DOCK8: variants seen among roughly 807,000 people sequenced by gnomAD.
DOCK8 encodes the protein dedicator of cytokinesis protein 8.
In DOCK8, 141 loss-of-function variants were observed where a neutral mutation model predicts 245.6. That is an observed-to-expected ratio of 0.57 (90% CI 0.50 to 0.66). The LOEUF (loss-of-function observed/expected upper bound fraction) is 0.66, where lower values mean the gene tolerates loss of function less well. Among genes scored for constraint, DOCK8 ranks in the 30% least tolerant of loss-of-function variants. The pLI is 0.00. For synonymous variants in DOCK8, 1,168 were observed against 970.2 expected, an observed-to-expected ratio of 1.20 and a Z score of -3.79; for missense variants, 2,965 against 2,603.4, an observed-to-expected ratio of 1.14 and a Z score of -3.02.
chr9:325,797 T>G, intron 8 of DOCK8, 60 bp downstream of exon 8: 1 of 1,418,620 alleles, frequency 7.0e-7, no homozygotes, highest in Non-Finnish European at 9.7e-7. Context: ...ATTCTTTGCA[T>G]GTATGTTTTT....
At chr9:356,406 T>C (rs1004860886) in intron 14 of DOCK8, among the ~76,000 whole-genome samples, 4 of 151,782 alleles carry the variant, frequency 2.6e-5, no homozygotes, top group African/African-American at 9.7e-5. Flanking sequence ...AGCAGGCGCC[T>C]GTAATCCCAG....
chr9:418,941 G>A (rs1029835911), intron 30 of DOCK8, among the ~76,000 whole-genome samples: 33 of 151,472 alleles, frequency 2.2e-4, no homozygotes, highest in African/African-American at 5.6e-4. Context: ...TCTTAAACAA[G>A]ACTGCAGCTT....
intron 9 of DOCK8, 84 bp from the exon 10 acceptor site, chr9:332,314 T>TA: frequency 1.0e-6 from 1 of 953,258 alleles, no homozygotes; most frequent in Non-Finnish European, 1.7e-6. Context: ...AATATTGTCA[T>TA]AAAATGTAAT....
chr9:429,202 A>G (rs1052508307), intron 35 of DOCK8, among the ~76,000 whole-genome samples: 1 of 152,202 alleles, frequency 6.6e-6, no homozygotes, highest in Admixed American at 6.5e-5. Context: ...CCTGACCTCA[A>G]GTGATCCACC....
At chr9:244,345 C>T (rs373849507) in intron 1 of DOCK8, among the ~76,000 whole-genome samples, 1 of 151,822 alleles carries the variant, frequency 6.6e-6, no homozygotes, top group Non-Finnish European at 1.5e-5. Flanking sequence ...TTTCCATTTC[C>T]AATTCATTCA....
At chr9:393,187 T>C (rs1209239702) in intron 24 of DOCK8, among the ~76,000 whole-genome samples, 1 of 150,496 alleles carries the variant, frequency 6.6e-6, no homozygotes, top group Non-Finnish European at 1.5e-5. Context: ...TCATTCCCAA[T>C]GCGGAATTCA....
chr9:333,640 C>A (rs1000175604), intron 10 of DOCK8, among the ~76,000 whole-genome samples: 1 of 151,372 alleles, frequency 6.6e-6, no homozygotes, highest in Non-Finnish European at 1.5e-5. Flanking sequence ...TAAGACTTAC[C>A]TTATTAGTAT....
chr9:303,108 T>C (rs542532184), intron 4 of DOCK8, among the ~76,000 whole-genome samples: 69 of 151,738 alleles, frequency 4.5e-4, no homozygotes, highest in Middle Eastern at 3.4e-3. Context: ...TGCAGTGAGC[T>C]ATAATCACAC....
At chr9:244,369 T>C (rs2047453742) in intron 1 of DOCK8, among the ~76,000 whole-genome samples, 1 of 152,040 alleles carries the variant, frequency 6.6e-6, no homozygotes, top group African/African-American at 2.4e-5. Flanking sequence ...TTTTCTATTC[T>C]GTTCTATTGC....
chr9:420,547 T>C lies in DOCK8; in HGVS notation c.3987T>C (p.Asp1329=), dbSNP rs143204635. The C allele has an allele frequency of 1.5e-5, 25 of 1,614,088 alleles. No individual in the cohort carries two copies. In the African/African-American group the frequency reaches 3.2e-4, roughly 21 times the overall value. Residue 1329 remains aspartate (D), a synonymous_variant, in exon 31 of 48, where the codon GAT becomes GAC. Transcript: ENST00000432829. ...LPSTQLNRIL[D]LLFICVLCFE... ...CAACGCAGCTCAACAGGATTTTAGA[T>C]CTACTTTTCATCTGTGTGTTATGTT...
At chr9:245,118 C>T (rs2047476675) in intron 1 of DOCK8, among the ~76,000 whole-genome samples, 1 of 152,186 alleles carries the variant, frequency 6.6e-6, no homozygotes, top group Non-Finnish European at 1.5e-5. Context: ...CTCACACTCA[C>T]TCCACAAGCC....
chr9:227,527 T>C (rs2047015491), intron 1 of DOCK8, among the ~76,000 whole-genome samples: 1 of 152,182 alleles, frequency 6.6e-6, no homozygotes, highest in Non-Finnish European at 1.5e-5. Context: ...GGAGTAAAGA[T>C]GATTAAAGCA....
chr9:336,778 C>G (rs1297158354), intron 12 of DOCK8, 60 bp downstream of exon 12: 1 of 1,602,488 alleles, frequency 6.2e-7, no homozygotes, highest in African/African-American at 1.3e-5. Flanking sequence ...GGCACTGGAA[C>G]CCACAGGAGG....
intron 14 of DOCK8, among the ~76,000 whole-genome samples, chr9:358,562 C>T (rs907608261): frequency 2.0e-5 from 3 of 152,108 alleles, no homozygotes; most frequent in South Asian, 4.1e-4. Flanking sequence ...TAAAAATTAC[C>T]TGCAGGCCAG....
chr9:225,613 C>G (rs1457387122), intron 1 of DOCK8, among the ~76,000 whole-genome samples: 1 of 152,136 alleles, frequency 6.6e-6, no homozygotes, highest in Non-Finnish European at 1.5e-5. Context: ...GTGCCTAGCA[C>G]TATTCTAAGT....
At chr9:275,249 A>C (rs1292028439) in intron 2 of DOCK8, among the ~76,000 whole-genome samples, 1 of 152,240 alleles carries the variant, frequency 6.6e-6, no homozygotes, top group Non-Finnish European at 1.5e-5. Flanking sequence ...GTGGGAGATT[A>C]AAAGAAGATG....
At position 215,207 on chromosome 9, in the gene DOCK8, C is replaced by A. The variant is rs370760003; in HGVS notation, c.53+178C>A. On this transcript the variant is annotated intron_variant, in intron 1 of 47. Transcript: ENST00000432829. The stretch of plus-strand genomic sequence containing the variant: ...GGCGGTGGAGCCGCTGGACGCGCGG[C>A]GGCTCCTGCGCTGGGCCCGGCGAGG... 1.3e-5 allele frequency: 20 copies of A among 1,525,182 alleles called. No homozygotes were observed. In the Middle Eastern group the frequency reaches 5.2e-4, roughly 40 times the overall value. The allele number at this position is 1,525,182 out of a possible 1,614,324, so 94.5% of individuals were successfully genotyped here.
At chr9:261,254 T>C (rs1485706572) in intron 1 of DOCK8, among the ~76,000 whole-genome samples, 1 of 152,224 alleles carries the variant, frequency 6.6e-6, no homozygotes, top group Non-Finnish European at 1.5e-5. Context: ...GAATAGCTTA[T>C]ATAACTATGT....
At chr9:349,375 T>G (rs888725589) in intron 14 of DOCK8, among the ~76,000 whole-genome samples, 2 of 152,218 alleles carry the variant, frequency 1.3e-5, no homozygotes, top group Non-Finnish European at 2.9e-5. Context: ...AAATGTAAAT[T>G]GAGATTCATG....
Sources: allele counts gnomAD v4.1 joint callset (sites outside exome capture counted in the v4.1 genomes callset), GRCh38; gene constraint gnomAD v4.1.1; transcripts MANE v1.5; gene names NCBI Gene and HGNC (gene_info 2026-07-23, HGNC 2026-07-21).